The following KCNMB2 variants were observed in gnomAD, a reference collection of about 807,000 sequenced individuals.
KCNMB2 encodes potassium calcium-activated channel subfamily M regulatory beta subunit 2.
Under a neutral mutation model 24.5 loss-of-function variants are expected in KCNMB2, and 9 were observed. The ratio of observed to expected loss-of-function variants is 0.37; its 90% CI spans 0.22 to 0.64. KCNMB2 has a LOEUF of 0.64. KCNMB2 is among the 30% of genes least tolerant of loss of function. The pLI, the probability that KCNMB2 is intolerant of heterozygous loss-of-function variation, is 0.63. For synonymous variants in KCNMB2, 109 were observed against 104.4 expected, an observed-to-expected ratio of 1.04 and a Z score of -0.27; for missense variants, 226 against 284.3, an observed-to-expected ratio of 0.79 and a Z score of 1.47.
chr3:178,678,993 T>C (rs1305836256), intron 1 of KCNMB2, among the ~76,000 whole-genome samples: 3 of 148,220 alleles, frequency 2.0e-5, no homozygotes, highest in African/African-American at 4.8e-5. Context: ...TGGTTTGTTG[T>C]TGTTGTTGTC....
In KCNMB2 at chr3:178,746,176, A is replaced by C. The variant is rs145476028; in HGVS notation, c.-67-61167A>C. 7.8e-3 allele frequency among the ~76,000 whole-genome samples: 1,195 copies of C among 152,326 alleles called. 13 individuals are homozygous for C. The highest frequency in any genetic ancestry group is 0.028 in the African/African-American group (1,162 of 41,572). ...GCAGCAAACTTCTGCCTGGACACCC[A>C]GGTGTTTCCATACATCTTCTGAAAT... On this transcript the variant is annotated intron_variant, in intron 1 of 4. Coordinates refer to ENST00000452583, the MANE Select transcript of KCNMB2 (RefSeq NM_181361.3).
chr3:178,785,535 A>G (rs999236815), intron 1 of KCNMB2, among the ~76,000 whole-genome samples: 1 of 152,040 alleles, frequency 6.6e-6, no homozygotes, highest in Non-Finnish European at 1.5e-5. Context: ...AAATTTTGCA[A>G]AATTTAAAAA....
intron 1 of KCNMB2, among the ~76,000 whole-genome samples, chr3:178,583,341 A>G (rs909585339): frequency 1.3e-5 from 2 of 152,214 alleles, no homozygotes; most frequent in African/African-American, 4.8e-5. Flanking sequence ...TCATTGGTTA[A>G]ATCTTATTTT....
At chr3:178,649,506 T>A (rs933412485) in intron 1 of KCNMB2, among the ~76,000 whole-genome samples, 5 of 152,122 alleles carry the variant, frequency 3.3e-5, no homozygotes, top group African/African-American at 9.6e-5. Flanking sequence ...CTGGGCTTTT[T>A]TTTTTGGTTG....
At chr3:178,708,171 T>C (rs987192367) in intron 1 of KCNMB2, among the ~76,000 whole-genome samples, 2 of 152,128 alleles carry the variant, frequency 1.3e-5, no homozygotes, top group Non-Finnish European at 2.9e-5. Context: ...GCTTTCTGTT[T>C]GTAGCTCTAT....
intron 1 of KCNMB2, among the ~76,000 whole-genome samples, chr3:178,581,508 T>C (rs145597251): frequency 0.027 from 4,082 of 152,166 alleles, 176 homozygotes; most frequent in African/African-American, 0.092. Context: ...AAAGCCAAAA[T>C]AGACAAATGG....
intron 1 of KCNMB2, among the ~76,000 whole-genome samples, chr3:178,797,954 A>G (rs1577196589): frequency 6.6e-6 from 1 of 152,180 alleles, no homozygotes; most frequent in Admixed American, 6.5e-5. Flanking sequence ...GTTGGTGTAC[A>G]GAAATGCTTG....
intron 2 of KCNMB2, 91 bp downstream of exon 2, chr3:178,807,556 C>A: frequency 9.1e-7 from 1 of 1,103,032 alleles, no homozygotes; most frequent in Non-Finnish European, 1.4e-6. Flanking sequence ...GGCAACTGAG[C>A]CTTATGCTTT....
At chr3:178,540,737 A>G (rs547298127) in intron 1 of KCNMB2, among the ~76,000 whole-genome samples, 8 of 152,258 alleles carry the variant, frequency 5.3e-5, no homozygotes, top group Admixed American at 5.2e-4. Context: ...CTTCCCTGAA[A>G]ACACCTTTCA....
intron 1 of KCNMB2, among the ~76,000 whole-genome samples, chr3:178,753,090 T>G (rs1374705681): frequency 6.6e-6 from 1 of 152,236 alleles, no homozygotes. Context: ...CTCTGCATGT[T>G]ATTGAGCTCC....
intron 1 of KCNMB2, among the ~76,000 whole-genome samples, chr3:178,705,175 T>A (rs1226858380): frequency 6.6e-6 from 1 of 152,026 alleles, no homozygotes; most frequent in Non-Finnish European, 1.5e-5. Context: ...ACCCACTACA[T>A]CCCTATACAG....
chr3:178,730,409 C>CCG (rs1233455108), intron 1 of KCNMB2, among the ~76,000 whole-genome samples: 1 of 140,902 alleles, frequency 7.1e-6, no homozygotes, highest in Admixed American at 7.1e-5. Flanking sequence ...CCCAACACCC[C>CCG]CCCACACACA....
intron 4 of KCNMB2, among the ~76,000 whole-genome samples, chr3:178,840,225 G>A (rs963245938): frequency 1.3e-5 from 2 of 152,168 alleles, no homozygotes; most frequent in Non-Finnish European, 2.9e-5. Flanking sequence ...CACATTCGGG[G>A]CACACTGATG....
rs1389926984 is a variant in KCNMB2 at position 178,568,777 on chromosome 3, A to AGAT, written c.-68+32067_-68+32069dup. 4.8e-5 allele frequency among the ~76,000 whole-genome samples: 3 copies of AGAT among 62,592 alleles called. No individual in the cohort carries two copies. The East Asian group carries it at 1.5e-3, about 32-fold the overall frequency. The allele number at this position is 62,592 out of a possible 152,430, so 41.1% of individuals were successfully genotyped here. A position where few individuals can be genotyped will look rare whatever the true frequency, so the allele number is the denominator to read the frequency against. On this transcript the variant is annotated intron_variant, in intron 1 of 4. Transcript: ENST00000452583. ...GATAGATGATAGATAGATAGATGAT[A>AGAT]GATAGATAGATAGATAGATAGATAG...
At position 178,687,855 on chromosome 3, in the gene KCNMB2, AT is replaced by A. The variant is rs554099439; in HGVS notation, c.-67-119483del. On this transcript the variant is annotated intron_variant, in intron 1 of 4. Transcript: ENST00000452583. ...AATAGAATATTTCTGCAAACTACTT[AT>A]TTTTAAATAGGCTTTCTTCCAAAAG... 3.9e-3 allele frequency among the ~76,000 whole-genome samples: 593 copies of A among 152,290 alleles called. 2 individuals are homozygous for A. Among genetic ancestry groups the A allele is most frequent in the Admixed American group, 0.022 (334 of 15,290 alleles).
intron 1 of KCNMB2, among the ~76,000 whole-genome samples, chr3:178,770,503 C>A (rs915489654): frequency 6.6e-6 from 1 of 152,154 alleles, no homozygotes; most frequent in South Asian, 2.1e-4. Flanking sequence ...CAGGACCTAG[C>A]GGTGTTTTCA....
At chr3:178,804,623 GAC>G in intron 1 of KCNMB2, among the ~76,000 whole-genome samples, 1 of 152,268 alleles carries the variant, frequency 6.6e-6, no homozygotes, top group East Asian at 1.9e-4. Flanking sequence ...CTGGAATAAT[GAC>G]ACACAGTCTG....
intron 1 of KCNMB2, among the ~76,000 whole-genome samples, chr3:178,683,750 T>C (rs1231867163): frequency 6.6e-6 from 1 of 152,202 alleles, no homozygotes; most frequent in African/African-American, 2.4e-5. Flanking sequence ...TTTTCCAGGC[T>C]TGTCAAATGC....
At chr3:178,632,446 G>T (rs1392863032) in intron 1 of KCNMB2, among the ~76,000 whole-genome samples, 1 of 152,144 alleles carries the variant, frequency 6.6e-6, no homozygotes, top group East Asian at 1.9e-4. Context: ...CGTGGCAGAG[G>T]GGAACCAAAT....
Sources: gnomAD v4.1 joint callset for allele counts (sites outside exome capture counted in the v4.1 genomes callset) on GRCh38, gnomAD v4.1.1 for gene constraint, MANE v1.5 for transcripts, NCBI Gene and HGNC (gene_info 2026-07-23, HGNC 2026-07-21) for gene names.